UACA: variants seen among roughly 807,000 people sequenced by gnomAD.
UACA encodes uveal autoantigen with coiled-coil domains and ankyrin repeats, also known as nuclear membrane binding protein.
Under a neutral mutation model 160.5 loss-of-function variants are expected in UACA, and 112 were observed. The ratio of observed to expected loss-of-function variants is 0.70; its 90% confidence interval spans 0.60 to 0.82. The LOEUF (loss-of-function observed/expected upper bound fraction) is 0.82. UACA is among the 40% of genes least tolerant of loss of function. The pLI is 0.00. For missense variants in UACA, 1,574 were observed against 1,614.6 expected, an observed-to-expected ratio of 0.97 and a Z score of 0.43; for synonymous variants, 557 against 568.4, an observed-to-expected ratio of 0.98 and a Z score of 0.29.
At chr15:70,726,447 C>T (rs1899147116) in intron 1 of UACA, among the ~76,000 whole-genome samples, 1 of 152,112 alleles carries the variant, frequency 6.6e-6, no homozygotes, top group African/African-American at 2.4e-5. Context: ...ATATTCTTTG[C>T]TATTCGTGTA....
intron 1 of UACA, among the ~76,000 whole-genome samples, chr15:70,722,478 GA>G (rs779021647): frequency 1.5e-4 from 23 of 152,124 alleles, no homozygotes; most frequent in Non-Finnish European, 2.2e-4. Context: ...CCACCACACT[GA>G]GCTAATTTTT....
chr15:70,681,315 C>T (rs888335857), intron 9 of UACA, among the ~76,000 whole-genome samples: 2 of 151,736 alleles, frequency 1.3e-5, no homozygotes, highest in African/African-American at 4.8e-5. Flanking sequence ...GTGAGTCTTA[C>T]ATTTGCAACT....
At position 70,694,960 on chromosome 15, in the gene UACA, G is replaced by A. The variant is rs1898074832; in HGVS notation, c.301+57C>T. 7 of 1,332,568 alleles carry A rather than the reference G, an allele frequency of 5.3e-6. No homozygotes were observed. In the Admixed American group the frequency reaches 1.3e-4, roughly 25 times the overall value. The allele number at this position is 1,332,568 out of a possible 1,614,324, so 82.5% of individuals were successfully genotyped here. A position where few individuals can be genotyped will look rare whatever the true frequency, so the allele number is the denominator to read the frequency against. On this transcript the variant is annotated intron_variant, in intron 3 of 18. Transcript: ENST00000322954. ...TTAGGTCTGAATAAAAATGTTAGCA[G>A]TGGACAATGTTTGTTTTCACTTTAT... is the stretch of plus-strand genomic sequence containing the variant.
chr15:70,685,995 G>A (rs1897700891), intron 7 of UACA, among the ~76,000 whole-genome samples: 2 of 151,916 alleles, frequency 1.3e-5, no homozygotes, highest in Non-Finnish European at 2.9e-5. Context: ...GGCTGGTCTT[G>A]AACTCCTGAC....
At chr15:70,761,459 C>T (rs545061682) in intron 1 of UACA, among the ~76,000 whole-genome samples, 3 of 151,210 alleles carry the variant, frequency 2.0e-5, no homozygotes, top group Non-Finnish European at 4.4e-5. Flanking sequence ...GTGACCAAAT[C>T]TGGGATTATG....
At chr15:70,749,505 G>A (rs1268374990) in intron 1 of UACA, among the ~76,000 whole-genome samples, 3 of 148,340 alleles carry the variant, frequency 2.0e-5, no homozygotes, top group East Asian at 2.0e-4. Flanking sequence ...TGGCCTGGGC[G>A]ATAAGCAAGA....
intron 1 of UACA, among the ~76,000 whole-genome samples, chr15:70,728,853 T>C (rs1266526120): frequency 6.6e-6 from 1 of 151,832 alleles, no homozygotes; most frequent in Non-Finnish European, 1.5e-5. Flanking sequence ...AAAAAACAAA[T>C]AACCCTATTA....
chr15:70,736,040 A>G lies in UACA; in HGVS notation c.78+27290T>C, dbSNP rs114612954. The stretch of plus-strand genomic sequence containing the variant: ...TTTTTTTTATACTTTTGTAATTTCA[A>G]GTACTTTTAATTGATTTTTGAATTT... On this transcript the variant is annotated intron_variant, in intron 1 of 18. Coordinates refer to ENST00000322954, the MANE Select transcript of UACA (RefSeq NM_018003.4). Among the ~76,000 whole-genome samples, 1,492 of 152,346 alleles carry G rather than the reference A, an allele frequency of 9.8e-3. 31 individuals carry two copies. The highest frequency in any genetic ancestry group is 0.033 in the African/African-American group (1,387 of 41,568).
intron 9 of UACA, among the ~76,000 whole-genome samples, chr15:70,682,400 T>A (rs1351009721): frequency 3.3e-5 from 5 of 152,198 alleles, no homozygotes; most frequent in Non-Finnish European, 7.4e-5. Flanking sequence ...TTTGTCCTGT[T>A]ATTAAGGGAG....
intron 2 of UACA, among the ~76,000 whole-genome samples, chr15:70,697,069 C>CT (rs1898155911): frequency 6.6e-6 from 1 of 152,132 alleles, no homozygotes. Context: ...AAAATCAACT[C>CT]TATGTTTTCT....
Position 70,699,388 on chromosome 15 carries a change from T to G in UACA, c.212+139A>C, listed in dbSNP as rs893889215. 10 of 899,494 alleles carry G rather than the reference T, an allele frequency of 1.1e-5. No individual in the cohort carries two copies. The East Asian group carries it at 1.5e-4, about 13-fold the overall frequency. The allele number at this position is 899,494 out of a possible 1,614,324, so 55.7% of individuals were successfully genotyped here. On this transcript the variant is annotated intron_variant, in intron 2 of 18. Coordinates refer to ENST00000322954, the MANE Select transcript of UACA (RefSeq NM_018003.4). ...TTTAAATTGAGAACAATTATTAGTT[T>G]GTTTGAAAGATTTTATAGTGCAGGT...
At chr15:70,699,447 C>G in intron 2 of UACA, 80 bp downstream of exon 2, 1 of 1,501,244 alleles carries the variant, frequency 6.7e-7, no homozygotes. Context: ...AAGTTGATAA[C>G]TACAATTCAC....
chr15:70,777,102 T>C, the UACA span, among the ~76,000 whole-genome samples: 4 of 152,156 alleles, frequency 2.6e-5, no homozygotes, highest in East Asian at 1.9e-4. Context: ...AAAGAAATGA[T>C]TGGATTCTAG....
At position 70,725,821 on chromosome 15, in the gene UACA, C is replaced by T. The variant is rs368178761; in HGVS notation, c.79-26161G>A. 5.9e-5 allele frequency among the ~76,000 whole-genome samples: 9 copies of T among 152,016 alleles called. No homozygotes were observed. In the East Asian group the frequency reaches 9.6e-4, roughly 16 times the overall value. On this transcript the variant is annotated intron_variant, in intron 1 of 18. Coordinates refer to ENST00000322954, the MANE Select transcript of UACA (RefSeq NM_018003.4). ...AGAAACAATCCAAGGAAGATGAAGG[C>T]GACACCAAGTCATCAAGATAACTTT... is the stretch of plus-strand genomic sequence containing the variant.
intron 1 of UACA, among the ~76,000 whole-genome samples, chr15:70,761,990 A>T (rs891178368): frequency 1.3e-5 from 2 of 152,218 alleles, no homozygotes; most frequent in Admixed American, 6.5e-5. Flanking sequence ...TTACAGAAGT[A>T]GAATCTTAAC....
At chr15:70,685,592 G>C (rs947685928) in intron 7 of UACA, among the ~76,000 whole-genome samples, 2 of 152,026 alleles carry the variant, frequency 1.3e-5, no homozygotes, top group Admixed American at 1.3e-4. Flanking sequence ...AGAAACTAAG[G>C]TTATAAATTA....
intron 1 of UACA, among the ~76,000 whole-genome samples, chr15:70,714,303 T>C (rs1898765723): frequency 1.3e-5 from 2 of 152,192 alleles, no homozygotes; most frequent in African/African-American, 2.4e-5. Context: ...TTAGAGCTTA[T>C]GTAATAGAAA....
At chr15:70,774,075 A>C in the UACA span, among the ~76,000 whole-genome samples, 1 of 152,242 alleles carries the variant, frequency 6.6e-6, no homozygotes, top group African/African-American at 2.4e-5. Context: ...TACTGCTATT[A>C]CTATTACTAC....
chr15:70,768,112 C>T (rs898407685), upstream of UACA: 3 of 152,170 alleles, frequency 2.0e-5, no homozygotes, highest in South Asian at 2.1e-4. Context: ...GTGTCTGCTC[C>T]GCATAACCAT....
Sources: allele counts gnomAD v4.1 joint callset (sites outside exome capture counted in the v4.1 genomes callset), GRCh38; gene constraint gnomAD v4.1.1; transcripts MANE v1.5; gene names NCBI Gene and HGNC (gene_info 2026-07-23, HGNC 2026-07-21).